TMPRSS11F: variants seen among roughly 807,000 people sequenced by gnomAD.
The protein encoded by TMPRSS11F is transmembrane protease serine 11F.
Under a neutral mutation model 60.2 loss-of-function variants are expected in TMPRSS11F, and 47 were observed. The ratio of observed to expected loss-of-function variants is 0.78; its 90% CI spans 0.62 to 1.00. The LOEUF (loss-of-function observed/expected upper bound fraction) is 1.00, where lower values mean the gene tolerates loss of function less well. TMPRSS11F is among the 50% of genes least tolerant of loss of function. The pLI is 0.00. For synonymous variants in TMPRSS11F, 166 were observed against 167.3 expected, an observed-to-expected ratio of 0.99 and a Z score of 0.06; for missense variants, 519 against 522.9, an observed-to-expected ratio of 0.99 and a Z score of 0.07.
chr4:68,113,583 T>C (rs1724454795), intron 1 of TMPRSS11F, among the ~76,000 whole-genome samples: 1 of 152,104 alleles, frequency 6.6e-6, no homozygotes. Context: ...ACATAACAAA[T>C]GTTAAAACGA....
At chr4:68,062,815 A>T in intron 8 of TMPRSS11F, 1 of 756,490 alleles carries the variant, frequency 1.3e-6, no homozygotes, top group South Asian at 1.3e-5. Flanking sequence ...ACATCTCTTG[A>T]TCCGTGGATT....
At chr4:68,082,279 A>C (rs890949968) in intron 3 of TMPRSS11F, among the ~76,000 whole-genome samples, 1 of 152,142 alleles carries the variant, frequency 6.6e-6, no homozygotes, top group African/African-American at 2.4e-5. Flanking sequence ...TAGATACTTG[A>C]ATTGGCAGGG....
At position 68,069,911 on chromosome 4, in the gene TMPRSS11F, CT is replaced by C. The variant is rs1283358726; in HGVS notation, c.553+57del. Reference sequence around the variant, plus strand: ...AACTTTACTGCCAACTTTTCTATAACTTTTTTCATGATCTTTTACTGTGAAA... The same window carrying C: ...AACTTTACTGCCAACTTTTCTATAACTTTTTCATGATCTTTTACTGTGAAA... On this transcript the variant is annotated intron_variant, in intron 6 of 9. Coordinates refer to ENST00000356291, the MANE Select transcript of TMPRSS11F (RefSeq NM_207407.2). 3.4e-5 allele frequency: 49 copies of C among 1,432,610 alleles called. 2 individuals are homozygous for C. The highest frequency in any genetic ancestry group is 3.9e-5 in the Non-Finnish European group (42 of 1,066,304). 88.7% of individuals were successfully genotyped at this position (1,432,610 alleles called of 1,614,324 possible). A position where few individuals can be genotyped will look rare whatever the true frequency, so the allele number is the denominator to read the frequency against.
rs1201645524 is a variant in TMPRSS11F, at chr4:68,062,328, C to T, written c.1015+2357G>A. On this transcript the variant is annotated intron_variant, in intron 8 of 9. Transcript: ENST00000356291. Reference sequence around the variant, plus strand: ...CTGTTAGTTTAACAATGATAATGTACGTTTCTCAGTTTCCCAAACAAGCTC... The same window carrying T: ...CTGTTAGTTTAACAATGATAATGTATGTTTCTCAGTTTCCCAAACAAGCTC... 1.8e-5 allele frequency: 8 copies of T among 456,916 alleles called. No individual in the cohort carries two copies. In the Admixed American group the frequency reaches 2.0e-4, roughly 12 times the overall value. The allele number at this position is 456,916 out of a possible 1,614,324, so 28.3% of individuals were successfully genotyped here. A position where few individuals can be genotyped will look rare whatever the true frequency, so the allele number is the denominator to read the frequency against.
chr4:68,129,432 T>A (rs1269319444), intron 1 of TMPRSS11F, among the ~76,000 whole-genome samples: 1 of 152,074 alleles, frequency 6.6e-6, no homozygotes. Context: ...TATACATCAA[T>A]AAGCAACATA....
chr4:68,069,858 T>C (rs1723414984), intron 6 of TMPRSS11F, 111 bp downstream of exon 6: 1 of 802,238 alleles, frequency 1.2e-6, no homozygotes, highest in African/African-American at 1.8e-5. Context: ...TTTACAAAAA[T>C]ATAAAATGAG....
At chr4:68,086,041 C>T (rs996714874) in intron 3 of TMPRSS11F, among the ~76,000 whole-genome samples, 5 of 152,068 alleles carry the variant, frequency 3.3e-5, no homozygotes, top group African/African-American at 1.2e-4. Context: ...TAACAAACAC[C>T]TACAGAATAC....
intron 3 of TMPRSS11F, among the ~76,000 whole-genome samples, chr4:68,079,645 A>C (rs1723652884): frequency 6.6e-6 from 1 of 152,174 alleles, no homozygotes; most frequent in Admixed American, 6.5e-5. Context: ...TGTGATCCAA[A>C]CTACAAAAAC....
intron 1 of TMPRSS11F, among the ~76,000 whole-genome samples, chr4:68,112,594 A>T (rs1724428823): frequency 6.6e-6 from 1 of 152,142 alleles, no homozygotes; most frequent in African/African-American, 2.4e-5. Flanking sequence ...AATACTACTA[A>T]TAATATATCA....
intron 7 of TMPRSS11F, among the ~76,000 whole-genome samples, chr4:68,066,901 T>A (rs958213061): frequency 6.7e-6 from 1 of 149,310 alleles, no homozygotes; most frequent in African/African-American, 2.5e-5. Context: ...GCCACTGCAC[T>A]CTGGCCTGGG....
chr4:68,065,818 T>A lies in TMPRSS11F; in HGVS notation c.756-874A>T, dbSNP rs138681855. ...TGGTTTCCTAAGTGCTGCACTGCCC[T>A]AAAAATGAGCAGGCAGAGGCCAGGT... On this transcript the variant is annotated intron_variant, in intron 7 of 9. Coordinates refer to ENST00000356291, the MANE Select transcript of TMPRSS11F (RefSeq NM_207407.2). Among the ~76,000 whole-genome samples, 212 of 150,408 alleles carry A rather than the reference T, an allele frequency of 1.4e-3. 2 individuals carry two copies. The highest frequency in any genetic ancestry group is 5.0e-3 in the African/African-American group (207 of 41,074).
intron 4 of TMPRSS11F, 43 bp downstream of exon 4, chr4:68,073,899 T>C: frequency 7.9e-7 from 1 of 1,259,270 alleles, no homozygotes; most frequent in Non-Finnish European, 1.1e-6. Flanking sequence ...AAATACCTCA[T>C]CTTAACAGTA....
At chr4:68,117,312 A>C (rs1005731862) in intron 1 of TMPRSS11F, among the ~76,000 whole-genome samples, 10 of 151,736 alleles carry the variant, frequency 6.6e-5, no homozygotes, top group Non-Finnish European at 2.9e-5. Flanking sequence ...CTAAAAATAC[A>C]GAAAATTAGC....
Position 68,090,560 on chromosome 4 carries a change from C to A in TMPRSS11F, c.245G>T (p.Arg82Ile), listed in dbSNP as rs1723904802. The change falls in exon 3 of 10, where the codon AGA becomes ATA. Residue 82 changes from arginine (R) to isoleucine (I), a missense_variant. Arg to Ile is a moderately conservative substitution (Grantham distance 97). Coordinates refer to ENST00000356291, the MANE Select transcript of TMPRSS11F (RefSeq NM_207407.2). Reference sequence around the variant, plus strand: ...CTGATGACTCCTTTCTATAAACTCTCTTGAAGATCTTATGCCATAATTTTC... The same window carrying A: ...CTGATGACTCCTTTCTATAAACTCTATTGAAGATCTTATGCCATAATTTTC... ...YKENYGIRSS[R>I]EFIERSHQIE... The A allele has an allele frequency of 6.2e-7, 1 of 1,600,376 alleles. No homozygotes were observed.
chr4:68,102,956 A>G (rs978230152), intron 1 of TMPRSS11F, among the ~76,000 whole-genome samples: 2 of 142,344 alleles, frequency 1.4e-5, no homozygotes, highest in African/African-American at 2.6e-5. Flanking sequence ...CTGGTCTTCT[A>G]TTTAGGTCTT....
At chr4:68,113,634 A>G (rs993297170) in intron 1 of TMPRSS11F, among the ~76,000 whole-genome samples, 7 of 152,186 alleles carry the variant, frequency 4.6e-5, no homozygotes, top group African/African-American at 1.7e-4. Flanking sequence ...GTTGCAAAGT[A>G]CTCGAAGCAA....
intron 8 of TMPRSS11F, among the ~76,000 whole-genome samples, 185 bp downstream of exon 8, chr4:68,064,500 T>C (rs1057418133): frequency 7.2e-5 from 11 of 152,216 alleles, no homozygotes; most frequent in Admixed American, 2.6e-4. Context: ...ACTGCTCCAA[T>C]TGTAAACTCA....
intron 3 of TMPRSS11F, among the ~76,000 whole-genome samples, chr4:68,086,573 C>G (rs1051944870): frequency 6.6e-6 from 1 of 151,796 alleles, no homozygotes; most frequent in Non-Finnish European, 1.5e-5. Context: ...AAAAAAAGAT[C>G]AACAAAACCA....
intron 3 of TMPRSS11F, among the ~76,000 whole-genome samples, chr4:68,078,806 C>G (rs1328452571): frequency 1.3e-5 from 2 of 152,096 alleles, no homozygotes; most frequent in African/African-American, 4.8e-5. Flanking sequence ...ATGACACTTA[C>G]AATTTCACTA....
Sources: gnomAD v4.1 joint callset for allele counts (sites outside exome capture counted in the v4.1 genomes callset) on GRCh38, gnomAD v4.1.1 for gene constraint, MANE v1.5 for transcripts, NCBI Gene and HGNC (gene_info 2026-07-23, HGNC 2026-07-21) for gene names.